Variants in NPAS3 observed in about 807,000 individuals in gnomAD.
NPAS3 encodes neuronal PAS domain protein 3.
A neutral mutation model predicts 73.1 loss-of-function variants in NPAS3; 14 were observed. The ratio of observed to expected loss-of-function variants is 0.19; its 90% CI spans 0.13 to 0.30. The LOEUF is 0.30. NPAS3 is among the 10% of genes least tolerant of loss of function. The pLI is 1.00. For missense variants in NPAS3, 1,096 were observed against 1,250.0 expected, an observed-to-expected ratio of 0.88 and a Z score of 1.86; for synonymous variants, 620 against 541.5, an observed-to-expected ratio of 1.14 and a Z score of -2.01.
intron 8 of NPAS3, 121 bp from the exon 9 acceptor site, chr14:33,778,345 C>T: frequency 1.5e-6 from 1 of 654,320 alleles, no homozygotes; most frequent in Non-Finnish European, 2.7e-6. Context: ...CCTCACAGTG[C>T]CACCTCCTCA....
At chr14:33,340,951 A>G (rs1158361925) in intron 3 of NPAS3, among the ~76,000 whole-genome samples, 1 of 152,252 alleles carries the variant, frequency 6.6e-6, no homozygotes, top group Admixed American at 6.5e-5. Context: ...ACAAACAAAC[A>G]CAAAAAAGAA....
At chr14:33,302,179 T>C (rs2042577768) in intron 3 of NPAS3, among the ~76,000 whole-genome samples, 1 of 152,186 alleles carries the variant, frequency 6.6e-6, no homozygotes, top group African/African-American at 2.4e-5. Flanking sequence ...GAGGGAGGAT[T>C]TGCATACAAC....
At chr14:33,220,061 A>G (rs1432371333) in intron 3 of NPAS3, among the ~76,000 whole-genome samples, 3 of 152,172 alleles carry the variant, frequency 2.0e-5, no homozygotes, top group Admixed American at 1.3e-4. Flanking sequence ...ATGGCCATGG[A>G]CACCCAGCCG....
intron 3 of NPAS3, among the ~76,000 whole-genome samples, chr14:33,358,897 G>GATGAATAA (rs1299587966): frequency 6.6e-6 from 1 of 152,324 alleles, no homozygotes; most frequent in East Asian, 1.9e-4. Flanking sequence ...CTACATTTTG[G>GATGAATAA]ATGAATAAAT....
chr14:33,733,651 T>C (rs1270085342), intron 6 of NPAS3, among the ~76,000 whole-genome samples: 1 of 152,094 alleles, frequency 6.6e-6, no homozygotes. Context: ...TGAGAAAAAT[T>C]TCATAGTAAT....
chr14:33,219,097 C>T (rs1313099343), intron 3 of NPAS3, among the ~76,000 whole-genome samples: 2 of 152,114 alleles, frequency 1.3e-5, no homozygotes, highest in Admixed American at 6.5e-5. Context: ...CAAGAAATGA[C>T]CAGGCATTCT....
intron 2 of NPAS3, among the ~76,000 whole-genome samples, chr14:33,165,854 G>A (rs1038932804): frequency 3.3e-5 from 5 of 152,102 alleles, no homozygotes; most frequent in African/African-American, 4.8e-5. Flanking sequence ...ATCCATATTC[G>A]GGGGCATGTT....
chr14:33,792,067 C>T (rs776002523), intron 9 of NPAS3, among the ~76,000 whole-genome samples: 2 of 152,156 alleles, frequency 1.3e-5, no homozygotes, highest in Non-Finnish European at 2.9e-5. Context: ...AAAAGCACAT[C>T]TTGTTGCATG....
chr14:33,351,903 G>C (rs1052225143), intron 3 of NPAS3, among the ~76,000 whole-genome samples: 1 of 152,082 alleles, frequency 6.6e-6, no homozygotes, highest in Non-Finnish European at 1.5e-5. Context: ...GTTGGTGGGT[G>C]GGGGGCTAAG....
intron 4 of NPAS3, among the ~76,000 whole-genome samples, chr14:33,460,358 C>G (rs2050206636): frequency 6.6e-6 from 1 of 152,142 alleles, no homozygotes; most frequent in South Asian, 2.1e-4. Flanking sequence ...TTGAAGTAGG[C>G]TGGCTACCAA....
intron 4 of NPAS3, among the ~76,000 whole-genome samples, chr14:33,394,415 A>G (rs1384191259): frequency 6.6e-6 from 1 of 152,204 alleles, no homozygotes; most frequent in Non-Finnish European, 1.5e-5. Context: ...AATATCCAGA[A>G]TTAAGGTAAA....
chr14:33,618,480 A>G (rs1226752998), intron 5 of NPAS3, among the ~76,000 whole-genome samples: 2 of 152,052 alleles, frequency 1.3e-5, no homozygotes, highest in Non-Finnish European at 2.9e-5. Flanking sequence ...CCATGCTCCT[A>G]TGAAGATCTA....
In NPAS3 at chr14:33,359,189, A is replaced by G. The variant is rs375437730; in HGVS notation, c.386-7997A>G. ...GGAGAGAGAAGAGGGAAAAGGCAAG[A>G]GACTTTGTATTCTTTCTCCCACAGA... On this transcript the variant is annotated intron_variant, in intron 3 of 11. Transcript: ENST00000356141. Among the ~76,000 whole-genome samples, 15 of 152,304 alleles carry G rather than the reference A, an allele frequency of 9.8e-5. No homozygotes were observed. The South Asian group carries it at 2.3e-3, about 23-fold the overall frequency.
intron 3 of NPAS3, among the ~76,000 whole-genome samples, chr14:33,356,177 C>T (rs2045329757): frequency 6.6e-6 from 1 of 152,248 alleles, no homozygotes; most frequent in South Asian, 2.1e-4. Flanking sequence ...ACTTGCCACA[C>T]TGAAGAGACC....
At chr14:33,036,863 C>G (rs7160171) in intron 1 of NPAS3, among the ~76,000 whole-genome samples, 5 of 152,168 alleles carry the variant, frequency 3.3e-5, no homozygotes, top group Non-Finnish European at 7.3e-5. Flanking sequence ...TCAGACCCAT[C>G]CCATCAAGGG....
chr14:33,600,003 A>C (rs1366452836), intron 5 of NPAS3, among the ~76,000 whole-genome samples: 13 of 152,194 alleles, frequency 8.5e-5, no homozygotes, highest in Admixed American at 8.5e-4. Flanking sequence ...AAGATCCGTT[A>C]CTTTGTAAGG....
At chr14:33,165,263 C>T (rs1175812625) in intron 2 of NPAS3, among the ~76,000 whole-genome samples, 1 of 151,636 alleles carries the variant, frequency 6.6e-6, no homozygotes, top group African/African-American at 2.4e-5. Flanking sequence ...GCTTTAATTG[C>T]AGAAGAGAAG....
At chr14:33,149,117 A>T (rs571826146) in intron 2 of NPAS3, among the ~76,000 whole-genome samples, 1 of 152,300 alleles carries the variant, frequency 6.6e-6, no homozygotes, top group East Asian at 1.9e-4. Context: ...TTGATGGTTC[A>T]TTGATAGCTC....
chr14:33,695,448 A>C (rs2060350723), intron 6 of NPAS3, among the ~76,000 whole-genome samples: 2 of 152,174 alleles, frequency 1.3e-5, no homozygotes, highest in South Asian at 4.1e-4. Context: ...TTTTATCTTG[A>C]TTTTGAATTA....
Sources: allele counts gnomAD v4.1 joint callset (sites outside exome capture counted in the v4.1 genomes callset), GRCh38; gene constraint gnomAD v4.1.1; transcripts MANE v1.5; gene names NCBI Gene and HGNC (gene_info 2026-07-23, HGNC 2026-07-21).